HTN3: variants seen among roughly 807,000 people sequenced by gnomAD.
The protein encoded by HTN3 is histatin 3.
A neutral mutation model predicts 10.6 loss-of-function variants in HTN3; 15 were observed. That is an observed-to-expected ratio of 1.42 (90% CI 0.95 to 2.18). The LOEUF (loss-of-function observed/expected upper bound fraction) is 2.18, where lower values mean the gene tolerates loss of function less well. Among genes scored for constraint, HTN3 ranks in the 30% most tolerant of loss-of-function variants. The pLI is 0.00. For synonymous variants in HTN3, 15 were observed against 16.9 expected (o/e 0.89, Z 0.27); for missense variants, 68 against 58.0 (o/e 1.17, Z -0.56).
rs200920872 is a variant in HTN3 at position 70,032,063 on chromosome 4, C to A, written c.73-15C>A. 2.5e-5 allele frequency: 38 copies of A among 1,533,774 alleles called. No individual in the cohort carries two copies. In the African/African-American group the frequency reaches 4.1e-4, roughly 17 times the overall value. Reference sequence around the variant, plus strand: ...TCATATATTGAATTTTTAATCTTTTCTTTTTATTTCATAGAGACATCATGG... The same window carrying A: ...TCATATATTGAATTTTTAATCTTTTATTTTTATTTCATAGAGACATCATGG... On this transcript the variant is annotated splice_polypyrimidine_tract_variant and intron_variant, in intron 3 of 5. Coordinates refer to ENST00000673563, the MANE Select transcript of HTN3 (RefSeq NM_000200.3).
At chr4:70,029,405 A>C (rs764070814) in intron 1 of HTN3, among the ~76,000 whole-genome samples, 9 of 152,072 alleles carry the variant, frequency 5.9e-5, no homozygotes, top group Non-Finnish European at 1.0e-4. Context: ...AAATGAATGA[A>C]GAAATAATAA....
chr4:70,031,879 A>T, intron 2 of HTN3, 100 bp from the exon 3 acceptor site: 1 of 814,096 alleles, frequency 1.2e-6, no homozygotes. Context: ...GAATGCCTCC[A>T]TTCTATTTAA....
intron 1 of HTN3, among the ~76,000 whole-genome samples, chr4:70,029,511 C>A (rs1195276337): frequency 6.6e-6 from 1 of 151,794 alleles, no homozygotes; most frequent in Non-Finnish European, 1.5e-5. Context: ...CTGTAATGTT[C>A]TATCACAAGT....
chr4:70,031,577 A>G (rs897246659), intron 2 of HTN3, among the ~76,000 whole-genome samples: 1 of 152,166 alleles, frequency 6.6e-6, no homozygotes, highest in South Asian at 2.1e-4. Context: ...TATAAGAAGA[A>G]CAGAGAAAAG....
chr4:70,031,379 A>G (rs1282770315), intron 2 of HTN3: 1 of 153,498 alleles, frequency 6.5e-6, no homozygotes, highest in Non-Finnish European at 1.4e-5. Flanking sequence ...CTCCTTCTCT[A>G]CTTTCTCATC....
At chr4:70,029,340 T>C (rs1230843957) in intron 1 of HTN3, among the ~76,000 whole-genome samples, 1 of 151,950 alleles carries the variant, frequency 6.6e-6, no homozygotes, top group Non-Finnish European at 1.5e-5. Context: ...TCAAGAAATA[T>C]ATAATTTTTA....
chr4:70,034,551 C>T (rs984865549), intron 5 of HTN3: 7 of 152,080 alleles, frequency 4.6e-5, no homozygotes, highest in East Asian at 1.9e-4. Flanking sequence ...AGTCAAGAAA[C>T]GATAGATGAT....
chr4:70,028,931 C>T (rs979104100), intron 1 of HTN3, among the ~76,000 whole-genome samples: 7 of 151,884 alleles, frequency 4.6e-5, no homozygotes, highest in Non-Finnish European at 1.0e-4. Context: ...TCCTCTTAGT[C>T]GTAAACTATT....
intron 5 of HTN3, among the ~76,000 whole-genome samples, chr4:70,034,916 G>A (rs1200914734): frequency 5.9e-5 from 9 of 152,182 alleles, no homozygotes; most frequent in Non-Finnish European, 1.3e-4. Context: ...GATAAAGCTG[G>A]AAGCCATCAT....
intron 1 of HTN3, among the ~76,000 whole-genome samples, 196 bp downstream of exon 1, chr4:70,028,712 A>G (rs1204506527): frequency 3.3e-5 from 5 of 152,118 alleles, no homozygotes; most frequent in African/African-American, 1.2e-4. Context: ...CATCATGCAA[A>G]GTAACTAATG....
Position 70,032,001 on chromosome 4 carries a change from T to A in HTN3, c.72+2T>A. 1 of 1,562,624 alleles carries A rather than the reference T, an allele frequency of 6.4e-7. No homozygotes were observed. The highest frequency in any genetic ancestry group is 1.1e-5 in the South Asian group (1 of 87,416). On this transcript the variant is annotated splice_donor_variant, in intron 3 of 5. Coordinates refer to ENST00000673563, the MANE Select transcript of HTN3 (RefSeq NM_000200.3). LOFTEE classifies it high-confidence loss of function. Reference sequence around the variant, plus strand: ...AAGGGAGCTGATTCACATGCAAAGGTAAGACATTTTCATTTACTGGAAAAC... The same window carrying A: ...AAGGGAGCTGATTCACATGCAAAGGAAAGACATTTTCATTTACTGGAAAAC...
At chr4:70,035,039 G>A (rs1725481660) in intron 5 of HTN3, among the ~76,000 whole-genome samples, 1 of 152,072 alleles carries the variant, frequency 6.6e-6, no homozygotes, top group African/African-American at 2.4e-5. Flanking sequence ...CCAGGGATGG[G>A]GGGTAGGAGG....
At chr4:70,032,419 T>G (rs903442472) in intron 4 of HTN3, among the ~76,000 whole-genome samples, 1 of 152,048 alleles carries the variant, frequency 6.6e-6, no homozygotes, top group African/African-American at 2.4e-5. Flanking sequence ...GAATAATTCC[T>G]AATTCTATGA....
intron 1 of HTN3, 99 bp from the exon 2 acceptor site, chr4:70,030,629 T>C: frequency 1.2e-6 from 1 of 827,732 alleles, no homozygotes; most frequent in Non-Finnish European, 2.0e-6. Context: ...AAACAGAGCA[T>C]GTCTCCCAAT....
Position 70,033,176 on chromosome 4 carries a change from C to A in HTN3, c.112C>A (p.His38Asn). The change falls in exon 5 of 6, where the codon CAT becomes AAT. Residue 38 changes from histidine (H) to asparagine (N), a missense_variant. Coordinates refer to ENST00000673563, the MANE Select transcript of HTN3 (RefSeq NM_000200.3). ...GYKRKFHEKHHSHRGYRSNYL... is the reference protein window; with the variant it reads ...GYKRKFHEKHNSHRGYRSNYL... ...TTTTGTGTGTATGCAGGAAAAGCAT[C>A]ATTCACATCGAGGCTATAGATCAAA... 6.2e-7 allele frequency: 1 copy of A among 1,606,034 alleles called. No homozygotes were observed. The highest frequency in any genetic ancestry group is 1.7e-5 in the Admixed American group (1 of 59,634).
intron 1 of HTN3, among the ~76,000 whole-genome samples, chr4:70,030,366 C>A (rs772011124): frequency 6.6e-6 from 1 of 152,102 alleles, no homozygotes; most frequent in African/African-American, 2.4e-5. Context: ...GGGCTCACAC[C>A]GAAGATCCAA....
At chr4:70,034,947 A>G (rs1455263608) in intron 5 of HTN3, among the ~76,000 whole-genome samples, 1 of 152,166 alleles carries the variant, frequency 6.6e-6, no homozygotes, top group Non-Finnish European at 1.5e-5. Context: ...CTAAAACAGG[A>G]ACAGAAAACC....
intron 3 of HTN3, 35 bp downstream of exon 3, chr4:70,032,034 T>A: frequency 6.4e-7 from 1 of 1,551,578 alleles, no homozygotes; most frequent in South Asian, 1.1e-5. Flanking sequence ...AACTTGATAA[T>A]TAATCATATA....
At chr4:70,032,222 G>A (rs375542985) in intron 4 of HTN3, 115 bp downstream of exon 4, 16 of 753,904 alleles carry the variant, frequency 2.1e-5, no homozygotes, top group East Asian at 1.7e-4. Flanking sequence ...AATTGCTAAA[G>A]TGTACATTGA....
Sources: gnomAD v4.1 joint callset for allele counts (sites outside exome capture counted in the v4.1 genomes callset) on GRCh38, gnomAD v4.1.1 for gene constraint, MANE v1.5 for transcripts, NCBI Gene and HGNC (gene_info 2026-07-23, HGNC 2026-07-21) for gene names.